KL: variants seen among roughly 807,000 people sequenced by gnomAD.
The protein encoded by KL is klotho, also known as alpha-klotho.
In KL, 62 loss-of-function variants were observed where a neutral mutation model predicts 84.2. The observed-to-expected ratio is 0.74, with a 90% CI of 0.60 to 0.91. KL has a LOEUF of 0.91. Ranked by LOEUF, KL falls within the 40% of genes least tolerant of loss-of-function variation. The pLI, the probability that KL is intolerant of heterozygous loss-of-function variation, is 0.00. For missense variants in KL, 1,261 were observed against 1,305.7 expected (o/e 0.97, Z 0.53); for synonymous variants, 528 against 528.0 (o/e 1.00, Z 0.00).
chr13:33,041,775 C>T (rs1481145789), intron 1 of KL, among the ~76,000 whole-genome samples: 1 of 152,152 alleles, frequency 6.6e-6, no homozygotes. Context: ...GTTCTCTGCT[C>T]CTTCCACACA....
chr13:33,031,791 G>T (rs1666620123), intron 1 of KL, among the ~76,000 whole-genome samples: 1 of 152,086 alleles, frequency 6.6e-6, no homozygotes, highest in African/African-American at 2.4e-5. Flanking sequence ...CGGGATTGGG[G>T]GAGATGCTTA....
chr13:33,057,094 CT>C (rs139259043), intron 3 of KL, among the ~76,000 whole-genome samples: 4,273 of 152,234 alleles, frequency 0.028, 182 homozygotes, highest in African/African-American at 0.097. Context: ...TCCTCCTCCT[CT>C]TTACTGGGGT....
chr13:33,028,334 C>G (rs1401942162), intron 1 of KL, among the ~76,000 whole-genome samples: 1 of 152,144 alleles, frequency 6.6e-6, no homozygotes, highest in Non-Finnish European at 1.5e-5. Flanking sequence ...AAAATTATTT[C>G]CAGCCTAGAA....
At chr13:33,037,907 G>A (rs1871198169) in intron 1 of KL, among the ~76,000 whole-genome samples, 1 of 152,002 alleles carries the variant, frequency 6.6e-6, no homozygotes, top group Non-Finnish European at 1.5e-5. Context: ...TTCTTCATGA[G>A]CATGTGAGCA....
intron 1 of KL, among the ~76,000 whole-genome samples, chr13:33,022,495 C>T (rs959428558): frequency 1.3e-5 from 2 of 152,224 alleles, no homozygotes; most frequent in African/African-American, 2.4e-5. Flanking sequence ...CTCAGATCCA[C>T]ATTTTCTCCA....
At chr13:33,046,904 T>C (rs370561950) in intron 1 of KL, among the ~76,000 whole-genome samples, 15 of 152,316 alleles carry the variant, frequency 9.8e-5, no homozygotes, top group African/African-American at 3.6e-4. Flanking sequence ...TTCATTGACT[T>C]ATTGCTTGTT....
At chr13:33,050,742 T>G in intron 1 of KL, among the ~76,000 whole-genome samples, 1 of 152,208 alleles carries the variant, frequency 6.6e-6, no homozygotes. Flanking sequence ...GGTTTTGGCA[T>G]GAGGTGAGCA....
At chr13:33,031,875 T>TA (rs1341105896) in intron 1 of KL, among the ~76,000 whole-genome samples, 3 of 152,150 alleles carry the variant, frequency 2.0e-5, no homozygotes, top group Non-Finnish European at 4.4e-5. Flanking sequence ...TAAAGTAATT[T>TA]AAAAAACCCA....
At chr13:33,042,883 T>C (rs569767737) in intron 1 of KL, among the ~76,000 whole-genome samples, 1 of 152,246 alleles carries the variant, frequency 6.6e-6, no homozygotes, top group African/African-American at 2.4e-5. Flanking sequence ...GGTTTCACCA[T>C]GTTGGTCAGG....
rs1871904320 is a variant in KL at position 33,055,061 on chromosome 13, G to A, written c.1345G>A (p.Gly449Arg). ...METLKAIKLD[G>R]VDVIGYTAWS... ...TCCCTTTGCAGCCATCAAGCTGGAT[G>A]GGGTGGATGTCATCGGGTATACCGC... is the stretch of plus-strand genomic sequence containing the variant. The change falls in exon 3 of 5, where the codon GGG becomes AGG. Residue 449 changes from glycine (G) to arginine (R), a missense_variant. Physicochemically the swap from Gly to Arg is moderately radical, Grantham distance 125. Transcript: ENST00000380099. 1.9e-6 allele frequency: 3 copies of A among 1,614,052 alleles called. No homozygotes were observed. Among genetic ancestry groups the A allele is most frequent in the Non-Finnish European group, 2.5e-6 (3 of 1,180,034 alleles).
rs1160980966 is a variant in KL, at chr13:33,061,068, C to T, written c.1989C>T (p.Ala663=). The change falls in exon 4 of 5, where the codon GCC becomes GCT. Residue 663 remains alanine (A), a synonymous_variant. Transcript: ENST00000380099. ...GCGCCTGGGAGAACCCCTACACTGC[C>T]CTGGCCTTTGCAGAGTATGCCCGAC... is the stretch of plus-strand genomic sequence containing the variant. The part of the protein sequence containing the change: ...RQGAWENPYT[A]LAFAEYARLC... 3 of 1,613,096 alleles carry T rather than the reference C, an allele frequency of 1.9e-6. No individual in the cohort carries two copies. The highest frequency in any genetic ancestry group is 2.5e-6 in the Non-Finnish European group (3 of 1,179,338).
chr13:33,058,421 A>G (rs905293820), intron 3 of KL, among the ~76,000 whole-genome samples: 2 of 151,282 alleles, frequency 1.3e-5, no homozygotes, highest in Admixed American at 1.3e-4. Context: ...GCTCACTGCA[A>G]GCTCCGCCTC....
At chr13:33,032,504 A>G (rs1258524074) in intron 1 of KL, among the ~76,000 whole-genome samples, 3 of 152,194 alleles carry the variant, frequency 2.0e-5, no homozygotes, top group Admixed American at 6.5e-5. Flanking sequence ...GTCTCAGATT[A>G]GTAGCCTCTG....
chr13:33,055,502 A>G, intron 3 of KL, 187 bp downstream of exon 3: 1 of 681,080 alleles, frequency 1.5e-6, no homozygotes, highest in Non-Finnish European at 2.6e-6. Context: ...TCCAATCTTC[A>G]TCTTGTTTAA....
intron 3 of KL, among the ~76,000 whole-genome samples, chr13:33,055,779 A>C (rs563408982): frequency 6.6e-6 from 1 of 152,360 alleles, no homozygotes; most frequent in East Asian, 1.9e-4. Context: ...CTAAGAAAGT[A>C]AACCCTAGAT....
At chr13:33,045,950 A>AT (rs1398345727) in intron 1 of KL, among the ~76,000 whole-genome samples, 1 of 152,138 alleles carries the variant, frequency 6.6e-6, no homozygotes, top group Non-Finnish European at 1.5e-5. Flanking sequence ...CATTACAACG[A>AT]TTTTTTTTAA....
At chr13:33,048,234 C>G (rs933543868) in intron 1 of KL, among the ~76,000 whole-genome samples, 4 of 152,010 alleles carry the variant, frequency 2.6e-5, no homozygotes, top group Non-Finnish European at 4.4e-5. Flanking sequence ...GAAGCCTGGT[C>G]AATATTGTCT....
At position 33,017,191 on chromosome 13, in the gene KL, G is replaced by A. The variant is rs1228988617; in HGVS notation, c.751G>A (p.Gly251Arg). ...GGTGGCCTGGCACGGCTACGCCACCGGGCGCCTGGCCCCCGGCATCCGGGG... is the reference window on the plus strand; with the variant it reads ...GGTGGCCTGGCACGGCTACGCCACCAGGCGCCTGGCCCCCGGCATCCGGGG... ...YVVAWHGYAT[G>R]RLAPGIRGSP... Residue 251 changes from glycine (G) to arginine (R), a missense_variant, in exon 1 of 5, where the codon GGG becomes AGG. By Grantham distance (125) the Gly-to-Arg change is moderately radical. Transcript: ENST00000380099. 3 of 1,597,900 alleles carry A rather than the reference G, an allele frequency of 1.9e-6. No homozygotes were observed. In the Admixed American group the frequency reaches 5.0e-5, roughly 27 times the overall value.
intron 1 of KL, among the ~76,000 whole-genome samples, chr13:33,034,317 G>A (rs1364672368): frequency 6.6e-6 from 1 of 152,196 alleles, no homozygotes; most frequent in Non-Finnish European, 1.5e-5. Context: ...TTCTCTGGGG[G>A]TGAAGAAGGC....
Sources: allele counts gnomAD v4.1 joint callset (sites outside exome capture counted in the v4.1 genomes callset), GRCh38; gene constraint gnomAD v4.1.1; transcripts MANE v1.5; gene names NCBI Gene and HGNC (gene_info 2026-07-23, HGNC 2026-07-21).